SEMA3D: variants seen among roughly 807,000 people sequenced by gnomAD.
SEMA3D encodes the protein semaphorin-3D.
In SEMA3D, 84 loss-of-function variants were observed where a neutral mutation model predicts 100.1. The observed-to-expected ratio is 0.84, with a 90% confidence interval of 0.70 to 1.01. The LOEUF (loss-of-function observed/expected upper bound fraction) is 1.01, where lower values mean the gene tolerates loss of function less well. Ranked by LOEUF, SEMA3D falls within the 50% of genes least tolerant of loss-of-function variation. The pLI is 0.00. For synonymous variants in SEMA3D, 312 were observed against 320.7 expected (o/e 0.97, Z 0.29); for missense variants, 875 against 934.1 (o/e 0.94, Z 0.82).
intron 9 of SEMA3D, among the ~76,000 whole-genome samples, chr7:85,053,952 G>A (rs1274530951): frequency 6.6e-6 from 1 of 151,578 alleles, no homozygotes; most frequent in Non-Finnish European, 1.5e-5. Flanking sequence ...TGTGTGTGAT[G>A]AGAAAACTCA....
the SEMA3D span, among the ~76,000 whole-genome samples, chr7:85,240,491 G>C: frequency 6.6e-6 from 1 of 152,054 alleles, no homozygotes; most frequent in Admixed American, 6.6e-5. Context: ...ATAGTAGAGC[G>C]ATGGTTACCT....
In SEMA3D at chr7:85,015,042, C is replaced by T; in HGVS notation, c.1703+17G>A. The T allele has an allele frequency of 1.9e-6, 3 of 1,601,874 alleles. No homozygotes were observed. Among genetic ancestry groups the T allele is most frequent in the Non-Finnish European group, 2.6e-6 (3 of 1,170,686 alleles). On this transcript the variant is annotated intron_variant, in intron 16 of 18. Coordinates refer to ENST00000284136, the MANE Select transcript of SEMA3D (RefSeq NM_001384900.1). ...TGTAGAAAGGAAGCCTTTATATTAA[C>T]TCCATGTGCCTCTTACCTTTTAGAA...
chr7:85,062,534 A>G (rs1321781099), intron 8 of SEMA3D, among the ~76,000 whole-genome samples: 1 of 152,182 alleles, frequency 6.6e-6, no homozygotes, highest in East Asian at 1.9e-4. Context: ...AAGTTAGGAA[A>G]GTTAAAATAG....
At chr7:85,106,459 A>G (rs1257588892) in intron 3 of SEMA3D, among the ~76,000 whole-genome samples, 1 of 152,164 alleles carries the variant, frequency 6.6e-6, no homozygotes, top group Non-Finnish European at 1.5e-5. Context: ...CTATAAATTA[A>G]GGAATAAAGC....
At chr7:85,217,105 A>G in the SEMA3D span, among the ~76,000 whole-genome samples, 1 of 152,122 alleles carries the variant, frequency 6.6e-6, no homozygotes, top group African/African-American at 2.4e-5. Flanking sequence ...ATATATAAAG[A>G]CATAATACAA....
chr7:85,124,577 A>G (rs999977737), intron 2 of SEMA3D, among the ~76,000 whole-genome samples: 1 of 152,134 alleles, frequency 6.6e-6, no homozygotes, highest in Non-Finnish European at 1.5e-5. Context: ...TATGCAAGAT[A>G]ACTCAAAGGA....
chr7:85,248,445 C>T, the SEMA3D span, among the ~76,000 whole-genome samples: 1 of 152,108 alleles, frequency 6.6e-6, no homozygotes, highest in Non-Finnish European at 1.5e-5. Flanking sequence ...AATATTCTTA[C>T]CATATGATCC....
At chr7:85,030,857 G>A (rs1243155601) in intron 12 of SEMA3D, among the ~76,000 whole-genome samples, 2 of 151,924 alleles carry the variant, frequency 1.3e-5, no homozygotes, top group African/African-American at 4.8e-5. Context: ...TATCTGACCT[G>A]TATGATTGAT....
intron 1 of SEMA3D, among the ~76,000 whole-genome samples, chr7:85,172,757 A>T (rs1050286809): frequency 6.6e-6 from 1 of 152,064 alleles, no homozygotes; most frequent in African/African-American, 2.4e-5. Context: ...CAAGTAGAGC[A>T]AGTTGAGCAC....
chr7:85,069,639 G>T (rs979498196), intron 6 of SEMA3D, among the ~76,000 whole-genome samples: 1 of 152,092 alleles, frequency 6.6e-6, no homozygotes, highest in Admixed American at 6.6e-5. Flanking sequence ...TATGCAAAAA[G>T]CACCTGTCTG....
the SEMA3D span, among the ~76,000 whole-genome samples, chr7:85,196,107 A>C: frequency 6.6e-6 from 1 of 152,212 alleles, no homozygotes; most frequent in Non-Finnish European, 1.5e-5. Context: ...TTTAGAATAG[A>C]ATGATGAATG....
the SEMA3D span, among the ~76,000 whole-genome samples, chr7:85,238,710 G>C: frequency 6.6e-6 from 1 of 152,112 alleles, no homozygotes; most frequent in African/African-American, 2.4e-5. Flanking sequence ...TTAGATTTAG[G>C]TTGTCAATAT....
chr7:85,152,073 C>G (rs766698914), intron 2 of SEMA3D, among the ~76,000 whole-genome samples: 25 of 151,880 alleles, frequency 1.6e-4, no homozygotes, highest in Non-Finnish European at 3.5e-4. Flanking sequence ...GATTTATTAA[C>G]CATTTATCTC....
intron 18 of SEMA3D, among the ~76,000 whole-genome samples, chr7:85,006,005 G>A (rs1562779697): frequency 6.6e-6 from 1 of 152,002 alleles, no homozygotes; most frequent in Non-Finnish European, 1.5e-5. Context: ...ATCTGCTCAT[G>A]AATTCTCAGG....
intron 5 of SEMA3D, among the ~76,000 whole-genome samples, chr7:85,073,646 A>T (rs1791839284): frequency 6.6e-6 from 1 of 152,182 alleles, no homozygotes; most frequent in South Asian, 2.1e-4. Context: ...TACTGTTTGC[A>T]ATGTCATCTG....
chr7:85,230,761 A>G, the SEMA3D span, among the ~76,000 whole-genome samples: 1 of 152,186 alleles, frequency 6.6e-6, no homozygotes, highest in South Asian at 2.1e-4. Flanking sequence ...ATGCATTAAA[A>G]TGTCGTCTAC....
Position 85,081,570 on chromosome 7 carries a change from G to A in SEMA3D, c.322C>T (p.Pro108Ser), listed in dbSNP as rs1788066600. 1.2e-6 allele frequency: 2 copies of A among 1,610,046 alleles called. No homozygotes were observed. The highest frequency in any genetic ancestry group is 1.7e-6 in the Non-Finnish European group (2 of 1,176,672). ...LNKNFKKIYWPAAKERVELCK... is the reference protein window; with the variant it reads ...LNKNFKKIYWSAAKERVELCK... ...AATTCCACCCGTTCCTTTGCAGCAG[G>A]CCAATAAATCTGCAAAACATTTCAA... Residue 108 changes from proline (P) to serine (S), a missense_variant, in exon 5 of 19, where the codon CCT becomes TCT. By Grantham distance (74) the Pro-to-Ser change is moderately conservative. Transcript: ENST00000284136.
Position 84,999,442 on chromosome 7 carries a change from A to G in SEMA3D, c.2332T>C (p.Ter778GlnextTer4), listed in dbSNP as rs913444810. 6 of 1,612,390 alleles carry G rather than the reference A, an allele frequency of 3.7e-6. No individual in the cohort carries two copies. In the South Asian group the frequency reaches 6.6e-5, roughly 18 times the overall value. Residue 778 changes from the stop codon to glutamine (Q), a stop_lost, in exon 19 of 19, where the codon TAG becomes CAG. Coordinates refer to ENST00000284136, the MANE Select transcript of SEMA3D (RefSeq NM_001384900.1). The stretch of plus-strand genomic sequence containing the variant: ...TTTTCTTTAAATTAAGTAGAAAACT[A>G]CGTGGCTACAGCTCTAGGGAGCTCA... The part of the protein sequence containing the change: ...LDELPRAVAT[*>Q]
chr7:85,056,890 C>CATATATATATATATATATATATATATAT (rs10525654), intron 8 of SEMA3D, among the ~76,000 whole-genome samples: 8 of 138,564 alleles, frequency 5.8e-5, no homozygotes, highest in African/African-American at 1.6e-4. Context: ...ACATATACAG[C>CATATATATATATATATATATATATATAT]ATATATATAT....
Sources: allele counts gnomAD v4.1 joint callset (sites outside exome capture counted in the v4.1 genomes callset), GRCh38; gene constraint gnomAD v4.1.1; transcripts MANE v1.5; gene names NCBI Gene and HGNC (gene_info 2026-07-23, HGNC 2026-07-21).